The following MED27 variants were observed in gnomAD, a reference collection of about 807,000 sequenced individuals.
The protein encoded by MED27 is mediator complex subunit 27.
In MED27, 30 loss-of-function variants were observed where a neutral mutation model predicts 38.2. That is an observed-to-expected ratio of 0.79 (90% confidence interval 0.59 to 1.07). The LOEUF is 1.07. Among genes scored for constraint, MED27 ranks in the 50% least tolerant of loss-of-function variants. The probability of loss-of-function intolerance (pLI) is 0.00; values close to 1 mark genes in which losing one functional copy is unlikely to be tolerated. For synonymous variants in MED27, 122 were observed against 153.5 expected, an observed-to-expected ratio of 0.79 and a Z score of 1.52; for missense variants, 289 against 397.5, an observed-to-expected ratio of 0.73 and a Z score of 2.32.
intron 3 of MED27, among the ~76,000 whole-genome samples, chr9:131,944,195 T>G (rs1428767934): frequency 6.6e-6 from 1 of 152,172 alleles, no homozygotes; most frequent in Non-Finnish European, 1.5e-5. Context: ...CCCAGCTTGC[T>G]CCTTTCAATG....
At chr9:131,955,261 T>TGCA (rs1831073651) in intron 3 of MED27, among the ~76,000 whole-genome samples, 1 of 152,086 alleles carries the variant, frequency 6.6e-6, no homozygotes, top group Non-Finnish European at 1.5e-5. Context: ...ACGTGTGGGA[T>TGCA]GCAGCTAAAA....
At chr9:132,027,631 T>C (rs765557731) in intron 2 of MED27, among the ~76,000 whole-genome samples, 3 of 152,126 alleles carry the variant, frequency 2.0e-5, no homozygotes, top group Non-Finnish European at 4.4e-5. Flanking sequence ...TCTAAAGCCT[T>C]CTCATCGATG....
chr9:132,060,896 T>C (rs751247115), intron 2 of MED27, among the ~76,000 whole-genome samples: 4 of 152,008 alleles, frequency 2.6e-5, no homozygotes, highest in Non-Finnish European at 5.9e-5. Flanking sequence ...TTGCAGTGAG[T>C]GGAGATCACA....
At chr9:132,012,146 T>C (rs538763953) in intron 3 of MED27, among the ~76,000 whole-genome samples, 169 of 152,354 alleles carry the variant, frequency 1.1e-3, no homozygotes, top group African/African-American at 4.0e-3. Context: ...GCTCCAGTCT[T>C]ATGGGACCAT....
intron 2 of MED27, among the ~76,000 whole-genome samples, chr9:132,054,381 G>A (rs1261392085): frequency 6.6e-6 from 1 of 152,130 alleles, no homozygotes; most frequent in African/African-American, 2.4e-5. Flanking sequence ...CAGATGTCCC[G>A]CCACGCTTGT....
intron 3 of MED27, among the ~76,000 whole-genome samples, chr9:131,948,514 A>C (rs28386857): frequency 0.012 from 1,789 of 148,120 alleles, 36 homozygotes; most frequent in African/African-American, 0.042. Flanking sequence ...AAAAAAAAAA[A>C]CAAAAAACCA....
At chr9:131,971,324 G>A (rs1350279371) in intron 3 of MED27, among the ~76,000 whole-genome samples, 1 of 152,244 alleles carries the variant, frequency 6.6e-6, no homozygotes, top group Non-Finnish European at 1.5e-5. Context: ...CAAACTTGGA[G>A]ATTTCCCGGA....
chr9:131,952,434 CTA>C (rs1010728186), intron 3 of MED27, among the ~76,000 whole-genome samples: 3 of 152,158 alleles, frequency 2.0e-5, no homozygotes, highest in Non-Finnish European at 4.4e-5. Context: ...GCAGCAGCAG[CTA>C]TGTTTCATGT....
chr9:131,928,885 C>G (rs1797900174), intron 4 of MED27, among the ~76,000 whole-genome samples: 1 of 152,234 alleles, frequency 6.6e-6, no homozygotes, highest in African/African-American at 2.4e-5. Flanking sequence ...GAGACAGTAG[C>G]CTGGGTGGCT....
chr9:132,035,738 G>A (rs73555388), intron 2 of MED27, among the ~76,000 whole-genome samples: 3,637 of 152,280 alleles, frequency 0.024, 127 homozygotes, highest in East Asian at 0.082. Flanking sequence ...CAAGGCAGGA[G>A]AATTGCTTGA....
At chr9:131,911,770 G>A (rs1156484511) in intron 4 of MED27, among the ~76,000 whole-genome samples, 2 of 152,218 alleles carry the variant, frequency 1.3e-5, no homozygotes, top group Non-Finnish European at 2.9e-5. Flanking sequence ...GGTGCTGACT[G>A]AGCCCTGCCT....
Position 132,033,972 on chromosome 9 carries a change from T to C in MED27, c.349-19505A>G, listed in dbSNP as rs7862710. 2.3e-3 allele frequency among the ~76,000 whole-genome samples: 343 copies of C among 152,382 alleles called. 1 individual carries two copies. The highest frequency in any genetic ancestry group is 8.0e-3 in the African/African-American group (331 of 41,592). ...TTTCATTCATGCCAGGTGAGGCTCT[T>C]ATGTTCTGTATTAAATGCGAGGCAT... On this transcript the variant is annotated intron_variant, in intron 2 of 7. Transcript: ENST00000292035.
chr9:131,929,053 C>G (rs1008560477), intron 4 of MED27, among the ~76,000 whole-genome samples: 1 of 152,204 alleles, frequency 6.6e-6, no homozygotes, highest in African/African-American at 2.4e-5. Flanking sequence ...GATAGGGCAC[C>G]AGGCAGTCGT....
chr9:132,038,579 A>G (rs1227482403), intron 2 of MED27, among the ~76,000 whole-genome samples: 2 of 152,242 alleles, frequency 1.3e-5, no homozygotes, highest in African/African-American at 2.4e-5. Flanking sequence ...AGTAAAATAT[A>G]CAGTATATTA....
rs1000523505 is a variant in MED27, at chr9:131,917,275, G to C, written c.573+22106C>G. ...AGTGCCTCCACTGAGAAACATTAGAGAATACTGAGGATACCCAGGGAAGGG... is the reference window on the plus strand; with the variant it reads ...AGTGCCTCCACTGAGAAACATTAGACAATACTGAGGATACCCAGGGAAGGG... On this transcript the variant is annotated intron_variant, in intron 4 of 7. Coordinates refer to ENST00000292035, the MANE Select transcript of MED27 (RefSeq NM_004269.4). The surrounding 1 kb of genome is among the most constrained non-coding windows in gnomAD (Gnocchi z 4.6). Among the ~76,000 whole-genome samples the C allele has an allele frequency of 6.6e-6, 1 of 152,100 alleles. No individual in the cohort carries two copies. Among genetic ancestry groups the C allele is most frequent in the Non-Finnish European group, 1.5e-5 (1 of 68,030 alleles).
intron 3 of MED27, among the ~76,000 whole-genome samples, chr9:132,009,181 G>A (rs1832430026): frequency 6.6e-6 from 1 of 152,146 alleles, no homozygotes; most frequent in Non-Finnish European, 1.5e-5. Context: ...CCCCAGCACA[G>A]TGCATAGAAC....
rs367738243 is a variant in MED27 at position 131,880,369 on chromosome 9, TTC to T, written c.723+3687_723+3688del. ...GAAGAGAGAGGACTCACTAATTTAA[TTC>T]TTACTTGTCCCTGAAAAAAAAGGAC... is the stretch of plus-strand genomic sequence containing the variant. On this transcript the variant is annotated intron_variant, in intron 6 of 7. Transcript: ENST00000292035. Among the ~76,000 whole-genome samples, 10 of 152,304 alleles carry T rather than the reference TTC, an allele frequency of 6.6e-5. No homozygotes were observed. The East Asian group carries it at 1.5e-3, about 23-fold the overall frequency.
chr9:131,931,512 G>C (rs2131567134), intron 4 of MED27, among the ~76,000 whole-genome samples: 1 of 152,180 alleles, frequency 6.6e-6, no homozygotes, highest in South Asian at 2.1e-4. Flanking sequence ...CTGAGTATAA[G>C]TGAACTAACT....
intron 3 of MED27, among the ~76,000 whole-genome samples, chr9:131,966,199 T>TAAAAAAAAAAAAA (rs201789144): frequency 1.0e-5 from 1 of 96,382 alleles, no homozygotes; most frequent in African/African-American, 4.3e-5. Flanking sequence ...CCTGTTTCTT[T>TAAAAAAAAAAAAA]AAAAAAAAAA....
Sources: allele counts gnomAD v4.1 joint callset (sites outside exome capture counted in the v4.1 genomes callset), GRCh38; gene constraint gnomAD v4.1.1; non-coding constraint Gnocchi (gnomAD v3.1); transcripts MANE v1.5; gene names NCBI Gene and HGNC (gene_info 2026-07-23, HGNC 2026-07-21).